DNAJC13: variants seen among roughly 807,000 people sequenced by gnomAD.
DNAJC13 encodes the protein dnaJ homolog subfamily C member 13.
A neutral mutation model predicts 290.5 loss-of-function variants in DNAJC13; 75 were observed. The observed-to-expected ratio is 0.26, with a 90% CI of 0.21 to 0.31. The LOEUF is 0.31. Ranked by LOEUF, DNAJC13 falls within the 10% of genes least tolerant of loss-of-function variation. The pLI is 1.00. For missense variants in DNAJC13, 2,260 were observed against 2,674.5 expected (o/e 0.85, Z 3.42); for synonymous variants, 862 against 892.0 (o/e 0.97, Z 0.60).
rs558707857 is a variant in DNAJC13, at chr3:132,489,502, C to T, written c.3468+481C>T. Among the ~76,000 whole-genome samples, 19 of 150,868 alleles carry T rather than the reference C, an allele frequency of 1.3e-4. No individual in the cohort carries two copies. The East Asian group carries it at 3.3e-3, about 26-fold the overall frequency. On this transcript the variant is annotated intron_variant, in intron 31 of 55. Transcript: ENST00000260818. ...AAGCTGGGAATTAAAAAAAAAAAAA[C>T]TTATTTAGGTAGTTTTGACAATCTA...
chr3:132,484,585 T>C lies in DNAJC13; in HGVS notation c.3183-3T>C. On this transcript the variant is annotated splice_region_variant and splice_polypyrimidine_tract_variant and intron_variant, in intron 28 of 55. Coordinates refer to ENST00000260818, the MANE Select transcript of DNAJC13 (RefSeq NM_015268.4). The stretch of plus-strand genomic sequence containing the variant: ...AATGTTGACGTGAGAAAATGTTTTC[T>C]AGGGATCAAGACAATGCCATCATTC... 1 of 1,613,796 alleles carries C rather than the reference T, an allele frequency of 6.2e-7. No homozygotes were observed. Among genetic ancestry groups the C allele is most frequent in the South Asian group, 1.1e-5 (1 of 91,074 alleles).
chr3:132,516,474 A>G lies in DNAJC13; in HGVS notation c.5538A>G (p.Ile1846Met). Residue 1846 changes from isoleucine (I) to methionine (M), a missense_variant, in exon 47 of 56, where the codon ATA (isoleucine) becomes ATG (methionine). Physicochemically the swap from Ile to Met is conservative, Grantham distance 10. Around this residue, in one of 3 missense-constraint regions of DNAJC13, gnomAD observed 1,494 missense variants for 1,693.7 expected, o/e 0.88. Transcript: ENST00000260818. ...ATGCTTTGACATCGAGTACAAAAAT[A>G]ATCAAAGAAGCAATGGCAAAGGGTA... ...TLYALTSSTK[I>M]IKEAMAKGAL... 6.2e-7 allele frequency: 1 copy of G among 1,613,852 alleles called. No homozygotes were observed. The highest frequency in any genetic ancestry group is 1.1e-5 in the South Asian group (1 of 91,080).
chr3:132,502,174 A>G, intron 39 of DNAJC13, 115 bp from the exon 40 acceptor site: 1 of 866,198 alleles, frequency 1.2e-6, no homozygotes, highest in East Asian at 2.6e-5. Flanking sequence ...AGAGGTAAAC[A>G]TTTTACAAAA....
intron 29 of DNAJC13, among the ~76,000 whole-genome samples, chr3:132,486,630 A>AT (rs748599751): frequency 1.4e-4 from 22 of 152,084 alleles, no homozygotes; most frequent in Non-Finnish European, 3.2e-4. Flanking sequence ...TTAAGAAGTT[A>AT]TTTTTGTTTT....
chr3:132,512,521 C>A lies in DNAJC13; in HGVS notation c.5294-487C>A, dbSNP rs576514245. On this transcript the variant is annotated intron_variant, in intron 44 of 55. Coordinates refer to ENST00000260818, the MANE Select transcript of DNAJC13 (RefSeq NM_015268.4). ...TTTGAGGTGGGTAGGAATGGAAATA[C>A]CATTTCATTTTATGTATTTTCACAA... 2.6e-5 allele frequency among the ~76,000 whole-genome samples: 4 copies of A among 152,236 alleles called. No individual in the cohort carries two copies. In the South Asian group the frequency reaches 8.3e-4, roughly 32 times the overall value.
chr3:132,524,058 G>A lies in DNAJC13; in HGVS notation c.6060+345G>A, dbSNP rs765188166. 4.4e-5 allele frequency: 8 copies of A among 183,276 alleles called. 1 individual carries two copies. The highest frequency in any genetic ancestry group is 1.5e-4 in the East Asian group (1 of 6,770). The allele number at this position is 183,276 out of a possible 1,614,324, so 11.4% of individuals were successfully genotyped here. A position where few individuals can be genotyped will look rare whatever the true frequency, so the allele number is the denominator to read the frequency against. ...GTGTTCGGTGTTCCTCTGAGAGTGT[G>A]TTCTGTTTGGGCATGTGCTGCACTC... On this transcript the variant is annotated intron_variant, in intron 51 of 55. Coordinates refer to ENST00000260818, the MANE Select transcript of DNAJC13 (RefSeq NM_015268.4).
intron 44 of DNAJC13, among the ~76,000 whole-genome samples, chr3:132,512,785 G>A (rs1935816350): frequency 6.6e-6 from 1 of 152,098 alleles, no homozygotes; most frequent in South Asian, 2.1e-4. Flanking sequence ...GGGTGGGGAT[G>A]GGAATGAAAA....
At chr3:132,503,087 T>G in intron 40 of DNAJC13, 127 bp from the exon 41 acceptor site, 1 of 946,806 alleles carries the variant, frequency 1.1e-6, no homozygotes, top group East Asian at 2.6e-5. Flanking sequence ...TAGGTACTCT[T>G]GTACCCTTTT....
chr3:132,526,559 T>C (rs1483595377), intron 53 of DNAJC13, among the ~76,000 whole-genome samples: 1 of 152,122 alleles, frequency 6.6e-6, no homozygotes, highest in Non-Finnish European at 1.5e-5. Flanking sequence ...AACTTGAGAG[T>C]ACTTTTATGG....
chr3:132,492,726 C>T lies in DNAJC13; in HGVS notation c.3825+111C>T, dbSNP rs1935102656. 3.2e-5 allele frequency: 28 copies of T among 888,582 alleles called. No homozygotes were observed. In the South Asian group the frequency reaches 4.4e-4, roughly 14 times the overall value. 55.0% of individuals were successfully genotyped at this position (888,582 alleles called of 1,614,324 possible). On this transcript the variant is annotated intron_variant, in intron 33 of 55. Coordinates refer to ENST00000260818, the MANE Select transcript of DNAJC13 (RefSeq NM_015268.4). ...ATGGTTAATAGCTTTCTTAAGTATTCCTTCTTAAGCACTAAGCACTGTGTG... is the reference window on the plus strand; with the variant it reads ...ATGGTTAATAGCTTTCTTAAGTATTTCTTCTTAAGCACTAAGCACTGTGTG...
chr3:132,463,267 A>G (rs1272538211), intron 16 of DNAJC13, among the ~76,000 whole-genome samples: 1 of 152,224 alleles, frequency 6.6e-6, no homozygotes, highest in Non-Finnish European at 1.5e-5. Context: ...ATGGAACATC[A>G]AAGTTTATTT....
At chr3:132,470,890 G>A (rs1934209443) in intron 20 of DNAJC13, among the ~76,000 whole-genome samples, 1 of 134,912 alleles carries the variant, frequency 7.4e-6, no homozygotes. Flanking sequence ...CGGGCGGGGG[G>A]CTGACCCCCC....
chr3:132,483,301 C>T, intron 27 of DNAJC13, 74 bp from the exon 28 acceptor site: 1 of 1,250,744 alleles, frequency 8.0e-7, no homozygotes. Context: ...TATGTATTTA[C>T]TATAAAGTAG....
At chr3:132,453,565 A>C in intron 7 of DNAJC13, 34 bp from the exon 8 acceptor site, 1 of 1,607,994 alleles carries the variant, frequency 6.2e-7, no homozygotes, top group South Asian at 1.1e-5. Flanking sequence ...TTAAAAAATA[A>C]CTTCTTAATA....
intron 6 of DNAJC13, 106 bp from the exon 7 acceptor site, chr3:132,453,192 T>C: frequency 2.0e-6 from 2 of 1,018,142 alleles, no homozygotes; most frequent in South Asian, 3.4e-5. Flanking sequence ...ACCTACCTCT[T>C]TTTTCTCTAG....
chr3:132,484,554 A>G (rs769350609), intron 28 of DNAJC13, 34 bp from the exon 29 acceptor site: 1 of 1,582,276 alleles, frequency 6.3e-7, no homozygotes. Context: ...TTTAACAAAT[A>G]TATTAAATGT....
At chr3:132,469,705 T>C (rs974168289) in intron 20 of DNAJC13, among the ~76,000 whole-genome samples, 8 of 152,136 alleles carry the variant, frequency 5.3e-5, no homozygotes, top group African/African-American at 1.9e-4. Context: ...GTTTTCATGA[T>C]AGTGCACAGA....
At chr3:132,506,795 C>T (rs745351845) in intron 42 of DNAJC13, among the ~76,000 whole-genome samples, 1 of 151,882 alleles carries the variant, frequency 6.6e-6, no homozygotes, top group South Asian at 2.1e-4. Flanking sequence ...CATGATCCAC[C>T]CGCCTCGGCC....
At chr3:132,524,837 A>C (rs1176169922) in intron 51 of DNAJC13, among the ~76,000 whole-genome samples, 2 of 152,214 alleles carry the variant, frequency 1.3e-5, no homozygotes, top group Non-Finnish European at 2.9e-5. Flanking sequence ...GTGTGCATCT[A>C]GTGGTATAAG....
Sources: gnomAD v4.1 joint callset for allele counts (sites outside exome capture counted in the v4.1 genomes callset) on GRCh38, gnomAD v4.1.1 for gene constraint, gnomAD v4.1.1 regional missense constraint, MANE v1.5 for transcripts, NCBI Gene and HGNC (gene_info 2026-07-23, HGNC 2026-07-21) for gene names.